The following FPGT variants were observed in gnomAD, a reference collection of about 807,000 sequenced individuals.
The protein encoded by FPGT is fucose-1-phosphate guanylyltransferase, also known as GDP-L-fucose diphosphorylase.
Under a neutral mutation model 45.8 loss-of-function variants are expected in FPGT, and 41 were observed. The observed-to-expected ratio is 0.90, with a 90% CI of 0.70 to 1.16. The LOEUF (loss-of-function observed/expected upper bound fraction) is 1.16, where lower values mean the gene tolerates loss of function less well. FPGT is among the 50% of genes most tolerant of loss of function. FPGT has a pLI of 0.00. For missense variants in FPGT, 755 were observed against 689.1 expected (o/e 1.10, Z -1.07); for synonymous variants, 292 against 247.2 (o/e 1.18, Z -1.70).
In FPGT at chr1:74,208,449, A is replaced by G. The variant is rs1570324021; in HGVS notation, c.*2617A>G. Among the ~76,000 whole-genome samples, 2 of 152,018 alleles carry G rather than the reference A, an allele frequency of 1.3e-5. No individual in the cohort carries two copies. The highest frequency in any genetic ancestry group is 4.1e-4 in the South Asian group (2 of 4,834). On this transcript the variant is annotated 3_prime_UTR_variant, in exon 4 of 4. Transcript: ENST00000370898. Reference sequence around the variant, plus strand: ...TACATGGATAAGTTTGAAATTAAACATTTTGTCTCATTTTATAATTTTTAT... The same window carrying G: ...TACATGGATAAGTTTGAAATTAAACGTTTTGTCTCATTTTATAATTTTTAT...
rs17094941 is a variant in FPGT, at chr1:74,208,606, A to C, written c.*2774A>C. 0.012 allele frequency among the ~76,000 whole-genome samples: 1,789 copies of C among 152,208 alleles called. 44 individuals carry two copies. The highest frequency in any genetic ancestry group is 0.041 in the African/African-American group (1,690 of 41,526). On this transcript the variant is annotated 3_prime_UTR_variant, in exon 4 of 4. Coordinates refer to ENST00000370898, the MANE Select transcript of FPGT (RefSeq NM_003838.5). ...GCATGGGAAAAATTCAACATTTGATAATAATCTTTTACCTTAGGCATTTAT... is the reference window on the plus strand; with the variant it reads ...GCATGGGAAAAATTCAACATTTGATCATAATCTTTTACCTTAGGCATTTAT...
chr1:74,199,933 C>G, intron 2 of FPGT, 102 bp downstream of exon 2: 1 of 1,261,492 alleles, frequency 7.9e-7, no homozygotes, highest in Admixed American at 2.7e-5. Flanking sequence ...ATATCTCTAC[C>G]CACAGCTTTA....
At position 74,205,915 on chromosome 1, in the gene FPGT, C is replaced by G; in HGVS notation, c.*83C>G. The G allele has an allele frequency of 1.3e-6, 1 of 741,576 alleles. No individual in the cohort carries two copies. The highest frequency in any genetic ancestry group is 2.2e-6 in the Non-Finnish European group (1 of 446,558). 45.9% of individuals were successfully genotyped at this position (741,576 alleles called of 1,614,324 possible). A position where few individuals can be genotyped will look rare whatever the true frequency, so the allele number is the denominator to read the frequency against. On this transcript the variant is annotated 3_prime_UTR_variant, in exon 4 of 4. Transcript: ENST00000370898. ...TTTTTGTAGGCTGTTTCACTGAACTCAGTTAATGAAAACTGTATTAACATA... is the reference window on the plus strand; with the variant it reads ...TTTTTGTAGGCTGTTTCACTGAACTGAGTTAATGAAAACTGTATTAACATA...
intron 2 of FPGT, 65 bp from the exon 3 acceptor site, chr1:74,201,253 T>C: frequency 7.4e-7 from 1 of 1,345,394 alleles, no homozygotes; most frequent in Non-Finnish European, 1.0e-6. Context: ...CTAAATTTAC[T>C]GTCATGACAA....
rs546038252 is a variant in FPGT at position 74,205,344 on chromosome 1, A to G, written c.1297A>G (p.Asn433Asp). Reference sequence around the variant, plus strand: ...GGGGCCTGATGTTTCAGTTGGGGAAAACTGCATTATTAGTGGTTCTTACAT... The same window carrying G: ...GGGGCCTGATGTTTCAGTTGGGGAAGACTGCATTATTAGTGGTTCTTACAT... ...RLGPDVSVGE[N>D]CIISGSYILT... Residue 433 changes from asparagine (N) to aspartate (D), a missense_variant, in exon 4 of 4, where the codon AAC becomes GAC. Transcript: ENST00000370898. 4.0e-4 allele frequency: 641 copies of G among 1,614,118 alleles called. 7 individuals are homozygous for G. The South Asian group carries it at 6.7e-3, about 17-fold the overall frequency.
intron 3 of FPGT, among the ~76,000 whole-genome samples, chr1:74,202,889 T>G (rs959567754): frequency 1.5e-4 from 23 of 152,178 alleles, no homozygotes; most frequent in African/African-American, 5.6e-4. Flanking sequence ...CTACACTGGG[T>G]CAGGATCATC....
At chr1:74,199,074 T>C (rs557836615) in intron 1 of FPGT, among the ~76,000 whole-genome samples, 12 of 152,352 alleles carry the variant, frequency 7.9e-5, no homozygotes, top group Non-Finnish European at 1.6e-4. Context: ...ACACTGTCTT[T>C]TAAAGATGTC....
At position 74,204,444 on chromosome 1, in the gene FPGT, G is replaced by T. The variant is rs746705428; in HGVS notation, c.397G>T (p.Ala133Ser). Residue 133 changes from alanine to serine, a missense_variant, in exon 4 of 4, where the codon GCT becomes TCT. By Grantham distance (99) the Ala-to-Ser change is moderately conservative. Coordinates refer to ENST00000370898, the MANE Select transcript of FPGT (RefSeq NM_003838.5). ...AAGTGCTCTGGGAAAAATTTTCACT[G>T]CTTTACCTCTTGGTAACCCCATTTA... ...NASALGKIFTALPLGNPIYQM... is the reference protein window; with the variant it reads ...NASALGKIFTSLPLGNPIYQM... 1 of 1,605,838 alleles carries T rather than the reference G, an allele frequency of 6.2e-7. No homozygotes were observed. The highest frequency in any genetic ancestry group is 1.1e-5 in the South Asian group (1 of 90,362).
Position 74,198,298 on chromosome 1 carries a change from C to G in FPGT, c.20C>G (p.Pro7Arg). The change falls in exon 1 of 4, where the codon CCT becomes CGT. Residue 7 changes from proline (P) to arginine (R), a missense_variant. Pro to Arg is a moderately radical substitution (Grantham distance 103, BLOSUM62 -2). Coordinates refer to ENST00000370898, the MANE Select transcript of FPGT (RefSeq NM_003838.5). MAAARDPPEVSLREATQ... is the reference protein window; with the variant it reads MAAARDRPEVSLREATQ... ...GGGGCTATGGCAGCTGCTAGGGACC[C>G]TCCGGAAGTATCGCTGCGAGAAGCC... is the stretch of plus-strand genomic sequence containing the variant. 1 of 1,614,140 alleles carries G rather than the reference C, an allele frequency of 6.2e-7. No homozygotes were observed. The highest frequency in any genetic ancestry group is 8.5e-7 in the Non-Finnish European group (1 of 1,180,028).
At chr1:74,203,602 A>T (rs1452705149) in intron 3 of FPGT, among the ~76,000 whole-genome samples, 1 of 151,966 alleles carries the variant, frequency 6.6e-6, no homozygotes. Flanking sequence ...CGTGTTAGCC[A>T]GGATGGTCTG....
At chr1:74,199,492 T>G (rs1030149214) in intron 1 of FPGT, among the ~76,000 whole-genome samples, 172 bp from the exon 2 acceptor site, 3 of 152,236 alleles carry the variant, frequency 2.0e-5, no homozygotes, top group African/African-American at 7.2e-5. Flanking sequence ...ATAACTATTT[T>G]GAATCGTATT....
intron 3 of FPGT, 32 bp downstream of exon 3, chr1:74,201,442 T>A (rs771273980): frequency 1.4e-6 from 2 of 1,447,966 alleles, no homozygotes; most frequent in Non-Finnish European, 1.9e-6. Context: ...TTACATTTTC[T>A]TTTTAGTCTT....
chr1:74,200,036 T>G (rs1651641535), intron 2 of FPGT, among the ~76,000 whole-genome samples: 1 of 152,176 alleles, frequency 6.6e-6, no homozygotes, highest in Admixed American at 6.5e-5. Flanking sequence ...CTTGAAAAAC[T>G]TCCAGAATGT....
At chr1:74,201,254 G>A in intron 2 of FPGT, 64 bp from the exon 3 acceptor site, 1 of 1,379,192 alleles carries the variant, frequency 7.3e-7, no homozygotes, top group Non-Finnish European at 1.0e-6. Context: ...TAAATTTACT[G>A]TCATGACAAA....
chr1:74,201,630 G>A (rs986451340), intron 3 of FPGT, among the ~76,000 whole-genome samples: 4 of 152,028 alleles, frequency 2.6e-5, no homozygotes, highest in African/African-American at 7.2e-5. Flanking sequence ...TGTAGATCAC[G>A]TATATCGTCA....
intron 3 of FPGT, among the ~76,000 whole-genome samples, chr1:74,203,246 G>A (rs1420477188): frequency 1.3e-5 from 2 of 152,128 alleles, no homozygotes; most frequent in African/African-American, 4.8e-5. Context: ...AACATCACTA[G>A]GTGATAGGAA....
intron 3 of FPGT, among the ~76,000 whole-genome samples, chr1:74,202,383 C>G (rs1046966208): frequency 3.3e-5 from 5 of 151,992 alleles, no homozygotes; most frequent in Non-Finnish European, 7.4e-5. Flanking sequence ...GTAAAGCATC[C>G]AAGTTCTGGT....
rs758599843 is a variant in FPGT at position 74,201,422 on chromosome 1, CT to C, written c.343+15del. 1 of 1,540,516 alleles carries C rather than the reference CT, an allele frequency of 6.5e-7. No individual in the cohort carries two copies. Among genetic ancestry groups the C allele is most frequent in the East Asian group, 2.3e-5 (1 of 43,364 alleles). On this transcript the variant is annotated intron_variant, in intron 3 of 3. Transcript: ENST00000370898. Reference sequence around the variant, plus strand: ...ATTAATTCACTCTGGTAATGTTATACTTTACTAATTTACATTTTCTTTTTAG... The same window carrying C: ...ATTAATTCACTCTGGTAATGTTATACTTACTAATTTACATTTTCTTTTTAG...
At chr1:74,202,830 T>C (rs758695110) in intron 3 of FPGT, among the ~76,000 whole-genome samples, 10 of 152,176 alleles carry the variant, frequency 6.6e-5, no homozygotes, top group Non-Finnish European at 1.2e-4. Flanking sequence ...TATTTTTACT[T>C]TTTAAATATT....
Sources: allele counts gnomAD v4.1 joint callset (sites outside exome capture counted in the v4.1 genomes callset), GRCh38; gene constraint gnomAD v4.1.1; transcripts MANE v1.5; gene names NCBI Gene and HGNC (gene_info 2026-07-23, HGNC 2026-07-21).